Variants in TMEM200A observed in about 807,000 individuals in gnomAD.
The protein encoded by TMEM200A is two transmembrane C.
Under a neutral mutation model 24.3 loss-of-function variants are expected in TMEM200A, and 12 were observed. The observed-to-expected ratio is 0.49, with a 90% confidence interval of 0.32 to 0.80. The LOEUF (loss-of-function observed/expected upper bound fraction) is 0.80, where lower values mean the gene tolerates loss of function less well. TMEM200A is among the 30% of genes least tolerant of loss of function. The pLI, the probability that TMEM200A is intolerant of heterozygous loss-of-function variation, is 0.04. For missense variants in TMEM200A, 545 were observed against 614.4 expected (o/e 0.89, Z 1.19); for synonymous variants, 224 against 224.4 (o/e 1.00, Z 0.02).
chr6:130,409,571 A>G (rs1779285382), intron 2 of TMEM200A, among the ~76,000 whole-genome samples: 1 of 152,188 alleles, frequency 6.6e-6, no homozygotes, highest in African/African-American at 2.4e-5. Flanking sequence ...ATTGGCTCCA[A>G]TTCAAAGATT....
At chr6:130,431,155 C>T (rs1779865574) in intron 2 of TMEM200A, among the ~76,000 whole-genome samples, 1 of 152,128 alleles carries the variant, frequency 6.6e-6, no homozygotes, top group Non-Finnish European at 1.5e-5. Context: ...TGCTATTGTC[C>T]TCCAGCTTTC....
At position 130,440,550 on chromosome 6, in the gene TMEM200A, G is replaced by T; in HGVS notation, c.128G>T (p.Arg43Leu). ...CAAGAGAAGAAGCCCATCAGGCGCC[G>T]GCCCCGGGCAGATGTTGTGGTTGTT... ...ATQEKKPIRR[R>L]PRADVVVVRG... Residue 43 changes from arginine (R) to leucine (L), a missense_variant, in exon 3 of 3, where the codon CGG becomes CTG. Arg to Leu is a moderately radical substitution (Grantham distance 102). Coordinates refer to ENST00000296978, the MANE Select transcript of TMEM200A (RefSeq NM_001258277.2). 1.2e-6 allele frequency: 2 copies of T among 1,614,066 alleles called. No individual in the cohort carries two copies. Among genetic ancestry groups the T allele is most frequent in the Non-Finnish European group, 1.7e-6 (2 of 1,179,960 alleles).
intron 2 of TMEM200A, among the ~76,000 whole-genome samples, chr6:130,418,861 T>C (rs1484133503): frequency 6.6e-6 from 1 of 152,178 alleles, no homozygotes; most frequent in Non-Finnish European, 1.5e-5. Context: ...AATGGTCAAC[T>C]CAGAATATTT....
intron 2 of TMEM200A, among the ~76,000 whole-genome samples, chr6:130,385,773 C>T (rs1472478394): frequency 6.6e-6 from 1 of 152,180 alleles, no homozygotes; most frequent in African/African-American, 2.4e-5. Flanking sequence ...TTAACCATTT[C>T]ATGATGCTAT....
intron 2 of TMEM200A, among the ~76,000 whole-genome samples, chr6:130,401,577 C>CCTT (rs976460476): frequency 6.6e-6 from 1 of 151,226 alleles, no homozygotes; most frequent in Non-Finnish European, 1.5e-5. Flanking sequence ...AACCAGGTAT[C>CCTT]CTTGTACATA....
chr6:130,376,996 T>G (rs1038187207), intron 1 of TMEM200A, among the ~76,000 whole-genome samples: 14 of 152,222 alleles, frequency 9.2e-5, no homozygotes, highest in African/African-American at 3.4e-4. Flanking sequence ...AATATTTAGC[T>G]CAGTGTCTTC....
chr6:130,379,915 G>C (rs1471647000), intron 1 of TMEM200A, among the ~76,000 whole-genome samples: 5 of 152,186 alleles, frequency 3.3e-5, no homozygotes, highest in African/African-American at 4.8e-5. Flanking sequence ...GGTGGATAGA[G>C]AGCATACCGA....
At chr6:130,439,812 G>A (rs1399782671) in intron 2 of TMEM200A, among the ~76,000 whole-genome samples, 2 of 152,080 alleles carry the variant, frequency 1.3e-5, no homozygotes, top group African/African-American at 4.8e-5. Context: ...ATCCATGGAA[G>A]CAGAGAGGTA....
chr6:130,373,816 A>G (rs1306637760), intron 1 of TMEM200A, among the ~76,000 whole-genome samples: 2 of 152,194 alleles, frequency 1.3e-5, no homozygotes, highest in Admixed American at 6.5e-5. Context: ...CTGATTTTCA[A>G]ATAACTGAAG....
rs192329070 is a variant in TMEM200A at position 130,383,888 on chromosome 6, C to T, written c.-80-1285C>T. ...ATCCCAGCACTTTGGGAGGCTGAGACGGGGGGGATCCCTTGAGGTCAGAAG... is the reference window on the plus strand; with the variant it reads ...ATCCCAGCACTTTGGGAGGCTGAGATGGGGGGGATCCCTTGAGGTCAGAAG... On this transcript the variant is annotated intron_variant, in intron 1 of 2. Transcript: ENST00000296978. 3.0e-3 allele frequency among the ~76,000 whole-genome samples: 460 copies of T among 152,050 alleles called. 3 individuals carry two copies. Among genetic ancestry groups the T allele is most frequent in the African/African-American group, 0.011 (444 of 41,492 alleles).
upstream of TMEM200A, chr6:130,365,714 T>A (rs1778119186): frequency 1.0e-6 from 1 of 985,332 alleles, no homozygotes; most frequent in Admixed American, 6.1e-5. Context: ...GAAGAGCGCC[T>A]GCAAGCGGGT....
chr6:130,391,580 T>A (rs1050993588), intron 2 of TMEM200A, among the ~76,000 whole-genome samples: 1 of 152,082 alleles, frequency 6.6e-6, no homozygotes, highest in Non-Finnish European at 1.5e-5. Flanking sequence ...TATCCCCAAA[T>A]ATATTATCTC....
intron 1 of TMEM200A, among the ~76,000 whole-genome samples, chr6:130,372,757 G>T (rs563123828): frequency 6.6e-6 from 1 of 152,158 alleles, no homozygotes. Flanking sequence ...GGATGTGTGC[G>T]CAATTGACTG....
chr6:130,420,548 T>G (rs935473414), intron 2 of TMEM200A, among the ~76,000 whole-genome samples: 1 of 152,194 alleles, frequency 6.6e-6, no homozygotes, highest in Non-Finnish European at 1.5e-5. Flanking sequence ...TCTCTATGCC[T>G]AACTTCATGG....
chr6:130,437,747 C>T (rs560460566), intron 2 of TMEM200A: 188 of 151,878 alleles, frequency 1.2e-3, no homozygotes, highest in African/African-American at 4.3e-3. Context: ...TACCTTTTTT[C>T]TTCCTAACGT....
intron 2 of TMEM200A, among the ~76,000 whole-genome samples, chr6:130,412,499 GCTC>G (rs2115163306): frequency 1.3e-5 from 2 of 152,182 alleles, no homozygotes; most frequent in East Asian, 3.9e-4. Context: ...CATATGAAGT[GCTC>G]CTCTCTTGGC....
chr6:130,442,192 AAGTTCTTT>A lies in TMEM200A; in HGVS notation c.*295_*302del, dbSNP rs1780213681. ...ATTAAAGCTTATTTTCTTTACTTTT[AAGTTCTTT>A]GATTGCCCTATTCATAAAATGAAAT... On this transcript the variant is annotated 3_prime_UTR_variant, in exon 3 of 3. Coordinates refer to ENST00000296978, the MANE Select transcript of TMEM200A (RefSeq NM_001258277.2). 2 of 265,652 alleles carry A rather than the reference AAGTTCTTT, an allele frequency of 7.5e-6. No homozygotes were observed. The highest frequency in any genetic ancestry group is 1.5e-5 in the Non-Finnish European group (2 of 131,224). 16.5% of individuals were successfully genotyped at this position (265,652 alleles called of 1,614,324 possible).
At chr6:130,395,933 C>G (rs892073566) in intron 2 of TMEM200A, among the ~76,000 whole-genome samples, 6 of 152,128 alleles carry the variant, frequency 3.9e-5, no homozygotes, top group African/African-American at 1.4e-4. Context: ...CCTTTAGTGG[C>G]TAAAACTTAA....
intron 2 of TMEM200A, among the ~76,000 whole-genome samples, chr6:130,404,469 T>G (rs1779160288): frequency 6.6e-6 from 1 of 152,198 alleles, no homozygotes; most frequent in Non-Finnish European, 1.5e-5. Flanking sequence ...TGCATGTATG[T>G]CTTATTTTGA....
Sources: allele counts gnomAD v4.1 joint callset (sites outside exome capture counted in the v4.1 genomes callset), GRCh38; gene constraint gnomAD v4.1.1; transcripts MANE v1.5; gene names NCBI Gene and HGNC (gene_info 2026-07-23, HGNC 2026-07-21).